USB1: variants seen among roughly 807,000 people sequenced by gnomAD.
USB1 encodes U6 snRNA biogenesis phosphodiesterase 1.
Under a neutral mutation model 29.9 loss-of-function variants are expected in USB1, and 21 were observed. The ratio of observed to expected loss-of-function variants is 0.70; its 90% CI spans 0.50 to 1.01. The LOEUF is 1.01. Among genes scored for constraint, USB1 ranks in the 50% least tolerant of loss-of-function variants. USB1 has a pLI of 0.00. For missense variants in USB1, 330 were observed against 347.1 expected (o/e 0.95, Z 0.39); for synonymous variants, 143 against 134.9 (o/e 1.06, Z -0.42).
Position 58,013,160 on chromosome 16 carries a change from G to A in USB1, c.450-1113G>A. ...GAAATGCTAAGCTCTGTTTGGCCAG[G>A]CCTGGGCAGCCTGCCTCTGGAGTAG... On this transcript the variant is annotated intron_variant, in intron 3 of 6. Transcript: ENST00000219281. The surrounding 1 kb of genome is among the most constrained non-coding windows in gnomAD (Gnocchi z 4.3). The A allele has an allele frequency of 2.0e-6, 2 of 985,524 alleles. No homozygotes were observed. The highest frequency in any genetic ancestry group is 6.1e-5 in the Admixed American group (1 of 16,292). 61.0% of individuals were successfully genotyped at this position (985,524 alleles called of 1,614,324 possible). A position where few individuals can be genotyped will look rare whatever the true frequency, so the allele number is the denominator to read the frequency against.
chr16:58,003,917 G>A (rs796703780), intron 2 of USB1, among the ~76,000 whole-genome samples: 7 of 152,068 alleles, frequency 4.6e-5, no homozygotes, highest in African/African-American at 1.2e-4. Context: ...TTCTCTTGAC[G>A]TTGTCCTTCA....
Position 58,002,608 on chromosome 16 carries a change from C to A in USB1, c.228C>A (p.His76Gln). Residue 76 changes from histidine to glutamine, a missense_variant, in exon 2 of 7, where the codon CAC (histidine) becomes CAA (glutamine). Coordinates refer to ENST00000219281, the MANE Select transcript of USB1 (RefSeq NM_024598.4). Reference protein sequence around the residue: ...KHGGRVRTFPHERGNWATHVY... With the variant: ...KHGGRVRTFPQERGNWATHVY... ...GGGGACGGGTGCGCACCTTCCCCCA[C>A]GAGCGAGGCAACTGGGCCACCCACG... is the stretch of plus-strand genomic sequence containing the variant. The A allele has an allele frequency of 1.2e-6, 2 of 1,613,942 alleles. No homozygotes were observed. The highest frequency in any genetic ancestry group is 2.2e-5 in the East Asian group (1 of 44,864).
At chr16:58,001,214 T>C (rs1342328935), upstream of USB1, among the ~76,000 whole-genome samples, 2 of 152,084 alleles carry the variant, frequency 1.3e-5, no homozygotes, top group Admixed American at 6.5e-5. Flanking sequence ...CTGAGCGATA[T>C]ATGAAATGGG....
At chr16:58,001,666 G>A (rs1160127623) in intron 1 of USB1, 85 bp downstream of exon 1, 12 of 1,460,942 alleles carry the variant, frequency 8.2e-6, no homozygotes, top group East Asian at 2.5e-5. Flanking sequence ...GTGGAGTGGG[G>A]AGGGAGGATG....
chr16:58,010,194 C>T (rs1057141275), intron 3 of USB1, 82 bp downstream of exon 3: 2 of 1,553,104 alleles, frequency 1.3e-6, no homozygotes, highest in South Asian at 1.1e-5. Context: ...GGGCATTACC[C>T]CAGCAGGCAG....
intron 4 of USB1, chr16:58,016,791 G>C (rs1433039419): frequency 5.5e-6 from 1 of 181,282 alleles, no homozygotes. Flanking sequence ...CAGCAAAGTG[G>C]GTTGAAGATG....
intron 2 of USB1, among the ~76,000 whole-genome samples, chr16:58,005,106 A>AC (rs777669944): frequency 5.9e-5 from 9 of 152,204 alleles, no homozygotes; most frequent in Non-Finnish European, 1.2e-4. Context: ...GACTTTTAGT[A>AC]CTTTCACTAA....
intron 1 of USB1, 60 bp downstream of exon 1, chr16:58,001,641 C>T (rs1963197559): frequency 6.5e-7 from 1 of 1,538,558 alleles, no homozygotes; most frequent in Non-Finnish European, 8.8e-7. Flanking sequence ...CCAGACGGGA[C>T]CCGAATGTCT....
chr16:58,003,874 C>T (rs1366149845), intron 2 of USB1, among the ~76,000 whole-genome samples: 2 of 152,118 alleles, frequency 1.3e-5, no homozygotes, highest in Non-Finnish European at 2.9e-5. Context: ...TTTGCAAATA[C>T]ATTTTTTTCC....
At chr16:58,002,142 G>T (rs1963228549) in intron 1 of USB1, among the ~76,000 whole-genome samples, 1 of 152,210 alleles carries the variant, frequency 6.6e-6, no homozygotes, top group Non-Finnish European at 1.5e-5. Context: ...TTCAGATGAG[G>T]CATTTGAGGC....
At chr16:58,009,169 TGTG>T (rs1351476099) in intron 2 of USB1, among the ~76,000 whole-genome samples, 1 of 152,166 alleles carries the variant, frequency 6.6e-6, no homozygotes, top group Non-Finnish European at 1.5e-5. Context: ...CCTGTATGAA[TGTG>T]GTGGTGAGGT....
chr16:58,018,909 G>A, intron 5 of USB1, 63 bp from the exon 6 acceptor site: 2 of 1,527,880 alleles, frequency 1.3e-6, no homozygotes, highest in Non-Finnish European at 1.8e-6. Context: ...TCACAGACCT[G>A]CTGTGAGGGC....
At chr16:58,003,167 A>G (rs893155153) in intron 2 of USB1, among the ~76,000 whole-genome samples, 9 of 152,324 alleles carry the variant, frequency 5.9e-5, no homozygotes, top group Admixed American at 3.9e-4. Flanking sequence ...GCTCACACCT[A>G]TAGTCCCAGC....
At chr16:58,000,513 A>G (rs1963149978), upstream of USB1, 1 of 149,470 alleles carries the variant, frequency 6.7e-6, no homozygotes, top group Non-Finnish European at 1.5e-5. This position sits in a 1 kb window ranked among gnomAD's most constrained non-coding sequence, Gnocchi z 4.5. Flanking sequence ...CGCGCTGCCA[A>G]TCCCCGGCCT....
chr16:58,020,171 G>A lies in USB1; in HGVS notation c.724G>A (p.Val242Met), dbSNP rs897612646. 9.3e-6 allele frequency: 15 copies of A among 1,614,176 alleles called. No homozygotes were observed. The highest frequency in any genetic ancestry group is 4.0e-5 in the African/African-American group (3 of 75,044). ...CGTGGATGGGTTTGAAGATGCTGAGGTGCTGCTGCGCGTGCACACTGAGCA... is the reference window on the plus strand; with the variant it reads ...CGTGGATGGGTTTGAAGATGCTGAGATGCTGCTGCGCGTGCACACTGAGCA... ...AIVDGFEDAEVLLRVHTEQVR... is the reference protein window; with the variant it reads ...AIVDGFEDAEMLLRVHTEQVR... The change falls in exon 7 of 7, where the codon GTG becomes ATG. Residue 242 changes from valine (V) to methionine (M), a missense_variant. Val to Met is a conservative substitution (Grantham distance 21). Coordinates refer to ENST00000219281, the MANE Select transcript of USB1 (RefSeq NM_024598.4).
intron 6 of USB1, among the ~76,000 whole-genome samples, chr16:58,019,775 A>G (rs1220888151): frequency 6.6e-6 from 1 of 152,234 alleles, no homozygotes; most frequent in Non-Finnish European, 1.5e-5. Flanking sequence ...CAACCAAACC[A>G]AACGTGCAGG....
At chr16:58,005,312 A>T (rs1218612408) in intron 2 of USB1, among the ~76,000 whole-genome samples, 4 of 151,184 alleles carry the variant, frequency 2.6e-5, no homozygotes, top group Non-Finnish European at 4.4e-5. Context: ...GGAAAGGGAG[A>T]CTCCCTTTCC....
rs762197073 is a variant in USB1, at chr16:58,010,088, A to G, written c.425A>G (p.Lys142Arg). The G allele has an allele frequency of 6.2e-7, 1 of 1,613,992 alleles. No individual in the cohort carries two copies. ...ATCCTCCCCTTCGTGCAGGCTCTGAAAGCCCGTATGACCTCCTTCCACAGG... is the reference window on the plus strand; with the variant it reads ...ATCCTCCCCTTCGTGCAGGCTCTGAGAGCCCGTATGACCTCCTTCCACAGG... ...HWILPFVQALKARMTSFHRFF... is the reference protein window; with the variant it reads ...HWILPFVQALRARMTSFHRFF... The change falls in exon 3 of 7, where the codon AAA becomes AGA. Residue 142 changes from lysine (K) to arginine (R), a missense_variant. Lys to Arg is a conservative substitution (Grantham distance 26, BLOSUM62 2). Transcript: ENST00000219281.
intron 2 of USB1, among the ~76,000 whole-genome samples, chr16:58,008,731 G>C (rs1479072604): frequency 6.6e-6 from 1 of 151,284 alleles, no homozygotes; most frequent in Admixed American, 6.6e-5. Context: ...GGAATTACAG[G>C]CGTGAGCCAC....
Sources: gnomAD v4.1 joint callset for allele counts (sites outside exome capture counted in the v4.1 genomes callset) on GRCh38, gnomAD v4.1.1 for gene constraint, Gnocchi (gnomAD v3.1) non-coding constraint, MANE v1.5 for transcripts, NCBI Gene and HGNC (gene_info 2026-07-23, HGNC 2026-07-21) for gene names.